The following RAPGEF6 variants were observed in gnomAD, a reference collection of about 807,000 sequenced individuals.
The protein encoded by RAPGEF6 is Rap guanine nucleotide exchange factor 6, also known as PDZ domain containing guanine nucleotide exchange factor (GEF) 2.
In RAPGEF6, 56 loss-of-function variants were observed where a neutral mutation model predicts 171.4. That is an observed-to-expected ratio of 0.33 (90% CI 0.26 to 0.41). RAPGEF6 has a LOEUF of 0.41. RAPGEF6 is among the 10% of genes least tolerant of loss of function. The probability of loss-of-function intolerance (pLI) is 1.00; values close to 1 mark genes in which losing one functional copy is unlikely to be tolerated. For missense variants in RAPGEF6, 1,674 were observed against 1,921.4 expected (o/e 0.87, Z 2.41); for synonymous variants, 692 against 650.1 (o/e 1.06, Z -0.98).
intron 4 of RAPGEF6, among the ~76,000 whole-genome samples, chr5:131,590,069 A>G (rs1376757455): frequency 6.6e-6 from 1 of 152,130 alleles, no homozygotes; most frequent in Non-Finnish European, 1.5e-5. Flanking sequence ...CCTTCTTAGT[A>G]GCTAATCCCT....
intron 9 of RAPGEF6, among the ~76,000 whole-genome samples, chr5:131,506,432 A>T (rs997948999): frequency 1.3e-5 from 2 of 152,156 alleles, no homozygotes; most frequent in African/African-American, 4.8e-5. Flanking sequence ...ACCTGGCCCA[A>T]AGAAGATGTA....
At chr5:131,506,912 T>C (rs997654777) in intron 9 of RAPGEF6, among the ~76,000 whole-genome samples, 4 of 151,772 alleles carry the variant, frequency 2.6e-5, no homozygotes, top group African/African-American at 9.7e-5. Flanking sequence ...AAAAAATTAA[T>C]ACTATATTCA....
chr5:131,441,336 G>C (rs1032692850), intron 23 of RAPGEF6, among the ~76,000 whole-genome samples: 1 of 152,210 alleles, frequency 6.6e-6, no homozygotes, highest in Admixed American at 6.5e-5. Flanking sequence ...TGCTCTCCAA[G>C]TGTCAGCTTT....
At chr5:131,546,049 G>A (rs1418802437) in intron 6 of RAPGEF6, among the ~76,000 whole-genome samples, 1 of 152,144 alleles carries the variant, frequency 6.6e-6, no homozygotes, top group East Asian at 1.9e-4. Context: ...AAAAGCAAAT[G>A]ACTCATGAGC....
chr5:131,564,443 A>T (rs189859785), intron 4 of RAPGEF6, among the ~76,000 whole-genome samples: 5 of 152,230 alleles, frequency 3.3e-5, no homozygotes, highest in African/African-American at 7.2e-5. Flanking sequence ...TTAGTCCCAC[A>T]CTAAAGTGCT....
intron 4 of RAPGEF6, among the ~76,000 whole-genome samples, chr5:131,577,638 T>C (rs1762683941): frequency 1.3e-5 from 2 of 152,138 alleles, no homozygotes; most frequent in Non-Finnish European, 2.9e-5. Context: ...TCAAACTCTA[T>C]AATCTTGATG....
At position 131,424,844 on chromosome 5, in the gene RAPGEF6, G is replaced by C. The variant is rs555548904; in HGVS notation, c.*2422C>G. 100 of 152,452 alleles carry C rather than the reference G, an allele frequency of 6.6e-4. No individual in the cohort carries two copies. The highest frequency in any genetic ancestry group is 2.3e-3 in the African/African-American group (95 of 41,574). The allele number at this position is 152,452 out of a possible 1,614,324, so 9.4% of individuals were successfully genotyped here. On this transcript the variant is annotated 3_prime_UTR_variant, in exon 28 of 28. Transcript: ENST00000509018. ...TGCTTCAACAGTCTTGGCAGATTGA[G>C]AGTTGTGGCAGGAAGAGAGGGCACT...
chr5:131,442,253 C>T lies in RAPGEF6; in HGVS notation c.3610+96G>A. 3.2e-6 allele frequency: 4 copies of T among 1,235,132 alleles called. No homozygotes were observed. In the South Asian group the frequency reaches 6.6e-5, roughly 20 times the overall value. The allele number at this position is 1,235,132 out of a possible 1,614,324, so 76.5% of individuals were successfully genotyped here. A position where few individuals can be genotyped will look rare whatever the true frequency, so the allele number is the denominator to read the frequency against. ...AGTGACGATTATATTACACAACCTA[C>T]AACAGCTTATCTCCTGAACATCTGT... On this transcript the variant is annotated intron_variant, in intron 23 of 27. Transcript: ENST00000509018.
chr5:131,574,864 T>G (rs1482407809), intron 4 of RAPGEF6, among the ~76,000 whole-genome samples: 1 of 152,004 alleles, frequency 6.6e-6, no homozygotes, highest in Non-Finnish European at 1.5e-5. Flanking sequence ...CAGTACCCCA[T>G]CCCACAACAG....
intron 1 of RAPGEF6, among the ~76,000 whole-genome samples, chr5:131,625,834 T>C (rs1357276019): frequency 1.3e-5 from 2 of 151,214 alleles, no homozygotes; most frequent in East Asian, 3.9e-4. Flanking sequence ...AAAACCATAC[T>C]TCTTGGTTTC....
chr5:131,479,409 A>T, intron 16 of RAPGEF6, 104 bp downstream of exon 16: 1 of 1,172,640 alleles, frequency 8.5e-7, no homozygotes, highest in Non-Finnish European at 1.2e-6. Flanking sequence ...ATGATACATT[A>T]GTTATATAAC....
intron 24 of RAPGEF6, among the ~76,000 whole-genome samples, chr5:131,439,034 C>T (rs986632165): frequency 6.6e-6 from 1 of 152,070 alleles, no homozygotes; most frequent in Non-Finnish European, 1.5e-5. Context: ...GCGATCCTCT[C>T]ACCTCAGTCT....
chr5:131,587,936 AG>A, intron 4 of RAPGEF6, among the ~76,000 whole-genome samples: 1 of 152,108 alleles, frequency 6.6e-6, no homozygotes, highest in East Asian at 1.9e-4. Context: ...TTTAGAGTAA[AG>A]ATCTTAGGTC....
chr5:131,497,114 T>A (rs1057115519), intron 12 of RAPGEF6, among the ~76,000 whole-genome samples: 1 of 152,194 alleles, frequency 6.6e-6, no homozygotes, highest in Non-Finnish European at 1.5e-5. Context: ...ACTGCATATC[T>A]CTATGATTAA....
intron 15 of RAPGEF6, among the ~76,000 whole-genome samples, chr5:131,482,133 T>C (rs1460268178): frequency 2.6e-5 from 4 of 152,350 alleles, no homozygotes. Flanking sequence ...CGCAAGTTTA[T>C]GAAAAGCACA....
At chr5:131,467,924 G>A (rs974976885) in intron 17 of RAPGEF6, among the ~76,000 whole-genome samples, 1 of 151,864 alleles carries the variant, frequency 6.6e-6, no homozygotes. Flanking sequence ...CCAGCTACTC[G>A]GGAGTTTGAG....
chr5:131,542,044 A>G (rs1760190002), intron 6 of RAPGEF6, among the ~76,000 whole-genome samples: 4 of 152,206 alleles, frequency 2.6e-5, no homozygotes, highest in African/African-American at 7.2e-5. Flanking sequence ...AAGATTGGAC[A>G]AAGAAATTAC....
At chr5:131,494,194 A>G (rs1157876771) in intron 13 of RAPGEF6, among the ~76,000 whole-genome samples, 2 of 152,228 alleles carry the variant, frequency 1.3e-5, no homozygotes. Flanking sequence ...AGATCAGGCA[A>G]TGTCTGAGTT....
rs1344153478 is a variant in RAPGEF6, at chr5:131,433,493, G to C, written c.3911C>G (p.Thr1304Ser). 2.5e-6 allele frequency: 4 copies of C among 1,613,990 alleles called. No homozygotes were observed. Among genetic ancestry groups the C allele is most frequent in the Non-Finnish European group, 3.4e-6 (4 of 1,179,894 alleles). The part of the protein sequence containing the change: ...SSQALAVPES[T>S]GALEKTEHAS... ...GTGCTCTGTCTTTTCCAATGCCCCA[G>C]TGGATTCAGGGACTGCCAGGGCCTG... The change falls in exon 25 of 28, where the codon ACT becomes AGT. Residue 1304 changes from threonine to serine, a missense_variant. Around this residue, in one of 3 missense-constraint regions of RAPGEF6, gnomAD observed 552 missense variants for 574.2 expected, o/e 0.96. Transcript: ENST00000509018.
Sources: allele counts gnomAD v4.1 joint callset (sites outside exome capture counted in the v4.1 genomes callset), GRCh38; gene constraint gnomAD v4.1.1; regional missense constraint gnomAD v4.1.1; transcripts MANE v1.5; gene names NCBI Gene and HGNC (gene_info 2026-07-23, HGNC 2026-07-21).